The following EYA1 variants were observed in gnomAD, a reference collection of about 807,000 sequenced individuals.
EYA1 encodes protein phosphatase EYA1.
EYA1 carries 16 observed loss-of-function variants against 82.0 expected under a neutral mutation model. The observed-to-expected ratio is 0.20, with a 90% CI of 0.13 to 0.30. EYA1 has a LOEUF of 0.30. Ranked by LOEUF, EYA1 falls within the 10% of genes least tolerant of loss-of-function variation. The pLI is 1.00. For synonymous variants in EYA1, 261 were observed against 264.4 expected (o/e 0.99, Z 0.12); for missense variants, 633 against 730.7 (o/e 0.87, Z 1.54).
intron 2 of EYA1, among the ~76,000 whole-genome samples, chr8:71,420,106 C>A (rs1831063531): frequency 1.3e-5 from 2 of 152,008 alleles, no homozygotes; most frequent in Admixed American, 6.6e-5. Context: ...CTCCCTAGTG[C>A]AAATAAGTGT....
intron 16 of EYA1, among the ~76,000 whole-genome samples, chr8:71,211,471 G>A (rs900354200): frequency 6.6e-6 from 1 of 152,092 alleles, no homozygotes; most frequent in African/African-American, 2.4e-5. Flanking sequence ...CCTGTCCTTT[G>A]GAAATTGATA....
intron 2 of EYA1, among the ~76,000 whole-genome samples, chr8:71,375,543 C>A (rs961699180): frequency 6.6e-6 from 1 of 152,086 alleles, no homozygotes; most frequent in African/African-American, 2.4e-5. Flanking sequence ...AACAGCATAA[C>A]AAAAATTCAG....
intron 2 of EYA1, among the ~76,000 whole-genome samples, chr8:71,390,940 A>T (rs1829242130): frequency 1.3e-5 from 2 of 151,894 alleles, no homozygotes; most frequent in African/African-American, 4.8e-5. Flanking sequence ...TATTTAATAT[A>T]TTGTATTTTT....
intron 12 of EYA1, among the ~76,000 whole-genome samples, chr8:71,226,341 T>C (rs1400035427): frequency 6.6e-6 from 1 of 152,066 alleles, no homozygotes; most frequent in Non-Finnish European, 1.5e-5. Flanking sequence ...GATAGCTCCT[T>C]CTTAGTGAGT....
At chr8:71,257,599 A>G (rs2128926452) in intron 11 of EYA1, among the ~76,000 whole-genome samples, 1 of 152,362 alleles carries the variant, frequency 6.6e-6, no homozygotes, top group African/African-American at 2.4e-5. Flanking sequence ...GTACCCAGAT[A>G]TAAGTGAGGA....
intron 2 of EYA1, among the ~76,000 whole-genome samples, chr8:71,405,356 T>A (rs1563579205): frequency 6.6e-6 from 1 of 152,232 alleles, no homozygotes; most frequent in East Asian, 1.9e-4. Context: ...TTTTTCGGGA[T>A]AATTAACTCT....
rs374380656 is a variant in EYA1 at position 71,489,250 on chromosome 8, T to C, written c.33+46494A>G. Among the ~76,000 whole-genome samples, 7 of 152,328 alleles carry C rather than the reference T, an allele frequency of 4.6e-5. No homozygotes were observed. The South Asian group carries it at 1.5e-3, about 32-fold the overall frequency. On this transcript the variant is annotated intron_variant, in intron 2 of 18. Transcript: ENST00000643681. ...TGAGCCACTCTCTTTTAGGGCTTTCTGGAACATTTATCTTTGTTAACTACT... is the reference window on the plus strand; with the variant it reads ...TGAGCCACTCTCTTTTAGGGCTTTCCGGAACATTTATCTTTGTTAACTACT...
chr8:71,289,126 T>C lies in EYA1; in HGVS notation c.826+9921A>G, dbSNP rs73288382. Among the ~76,000 whole-genome samples, 934 of 152,166 alleles carry C rather than the reference T, an allele frequency of 6.1e-3. 15 individuals carry two copies. The highest frequency in any genetic ancestry group is 0.022 in the African/African-American group (894 of 41,500). ...AAAAGGAGGACAAGATGCAAGGAGG[T>C]CCCTGGAAGGAAGGGGAGGGAAATG... On this transcript the variant is annotated intron_variant, in intron 9 of 17. Transcript: ENST00000340726.
intron 12 of EYA1, among the ~76,000 whole-genome samples, chr8:71,232,462 G>T (rs117410540): frequency 1.3e-5 from 2 of 152,304 alleles, no homozygotes; most frequent in East Asian, 3.9e-4. Context: ...CCAAGGAAAC[G>T]TGTCTTTTTA....
rs545097927 is a variant in EYA1, at chr8:71,353,745, C to T, written c.124+1037G>A. Among the ~76,000 whole-genome samples the T allele has an allele frequency of 4.6e-5, 7 of 152,102 alleles. No individual in the cohort carries two copies. In the South Asian group the frequency reaches 1.5e-3, roughly 32 times the overall value. On this transcript the variant is annotated intron_variant, in intron 3 of 17. Transcript: ENST00000340726. Reference sequence around the variant, plus strand: ...AACACAATAATTTTACAGCATTTAGCTTTGTTTATTTTTTTAAAAAATTGT... The same window carrying T: ...AACACAATAATTTTACAGCATTTAGTTTTGTTTATTTTTTTAAAAAATTGT...
At chr8:71,533,794 G>A (rs2063527785) in intron 2 of EYA1, among the ~76,000 whole-genome samples, 2 of 152,124 alleles carry the variant, frequency 1.3e-5, no homozygotes, top group Admixed American at 1.3e-4. Context: ...AAATTGCCAG[G>A]ACACAGATTC....
chr8:71,382,218 A>T (rs958843003), intron 2 of EYA1, among the ~76,000 whole-genome samples: 1 of 152,314 alleles, frequency 6.6e-6, no homozygotes, highest in Non-Finnish European at 1.5e-5. Flanking sequence ...GAAAGTAGAT[A>T]AAAGCTTTAT....
intron 2 of EYA1, among the ~76,000 whole-genome samples, chr8:71,418,513 C>A (rs1830974008): frequency 6.6e-6 from 1 of 152,110 alleles, no homozygotes; most frequent in African/African-American, 2.4e-5. Context: ...ATGCTAGTAA[C>A]ACAAACTGGT....
chr8:71,226,872 C>T (rs994644046), intron 12 of EYA1, among the ~76,000 whole-genome samples: 13 of 151,816 alleles, frequency 8.6e-5, no homozygotes, highest in Admixed American at 6.6e-4. Context: ...CTACCGCTGA[C>T]ATTGTACACA....
At chr8:71,500,453 AC>A (rs1811732300) in intron 2 of EYA1, among the ~76,000 whole-genome samples, 1 of 152,056 alleles carries the variant, frequency 6.6e-6, no homozygotes, top group African/African-American at 2.4e-5. Flanking sequence ...TGTTGCAAGC[AC>A]TGCTTTGTCC....
intron 4 of EYA1, among the ~76,000 whole-genome samples, chr8:71,324,577 G>A (rs1822941588): frequency 6.6e-6 from 1 of 152,074 alleles, no homozygotes; most frequent in Admixed American, 6.6e-5. Context: ...CTACTCAGTG[G>A]ACTGCATCAC....
At chr8:71,537,324 C>T (rs76122244) in intron 1 of EYA1, among the ~76,000 whole-genome samples, 1 of 151,920 alleles carries the variant, frequency 6.6e-6, no homozygotes, top group Non-Finnish European at 1.5e-5. Context: ...TATGTCACAC[C>T]AAGAAAATAT....
chr8:71,391,260 G>A (rs111779252), intron 2 of EYA1, among the ~76,000 whole-genome samples: 7,693 of 152,252 alleles, frequency 0.051, 523 homozygotes, highest in African/African-American at 0.16. Context: ...TGGGATTACA[G>A]GCATGAGCTA....
chr8:71,461,507 A>G (rs1376331383), intron 2 of EYA1, among the ~76,000 whole-genome samples: 2 of 152,158 alleles, frequency 1.3e-5, no homozygotes, highest in Non-Finnish European at 1.5e-5. Context: ...ACAGGACCCC[A>G]AAGAGGGAAT....
Sources: allele counts gnomAD v4.1 joint callset (sites outside exome capture counted in the v4.1 genomes callset), GRCh38; gene constraint gnomAD v4.1.1; transcripts MANE v1.5; gene names NCBI Gene and HGNC (gene_info 2026-07-23, HGNC 2026-07-21).